The following ACSM6 variants were observed in gnomAD, a reference collection of about 807,000 sequenced individuals.
ACSM6 encodes acyl-coenzyme A synthetase ACSM6, mitochondrial.
ACSM6 carries 35 observed loss-of-function variants against 51.1 expected under a neutral mutation model. The ratio of observed to expected loss-of-function variants is 0.69; its 90% CI spans 0.52 to 0.91. The LOEUF (loss-of-function observed/expected upper bound fraction) is 0.91, where lower values mean the gene tolerates loss of function less well. ACSM6 is among the 40% of genes least tolerant of loss of function. The pLI is 0.00. For synonymous variants in ACSM6, 172 were observed against 207.3 expected (o/e 0.83, Z 1.46); for missense variants, 509 against 584.1 (o/e 0.87, Z 1.32).
At chr10:95,217,753 T>C (rs1298765873) in intron 8 of ACSM6, among the ~76,000 whole-genome samples, 2 of 152,230 alleles carry the variant, frequency 1.3e-5, no homozygotes, top group Non-Finnish European at 2.9e-5. Context: ...GAGAGGTCTA[T>C]AGTTTGAGGA....
intron 4 of ACSM6, 25 bp from the exon 5 acceptor site, chr10:95,210,625 C>CTGT: frequency 1.9e-6 from 3 of 1,607,790 alleles, no homozygotes; most frequent in Non-Finnish European, 2.5e-6. Context: ...TTAGATCTCA[C>CTGT]TGTTGCCTCT....
chr10:95,210,687 A>T (rs1349724101), exon 5 of ACSM6: 1 of 1,613,940 alleles, frequency 6.2e-7, no homozygotes, highest in Non-Finnish European at 8.5e-7. Context: ...GAGGACCAAA[A>T]GCCAAGATCC....
At chr10:95,222,044 A>T (rs1359011072) in intron 9 of ACSM6, among the ~76,000 whole-genome samples, 1 of 152,234 alleles carries the variant, frequency 6.6e-6, no homozygotes, top group Non-Finnish European at 1.5e-5. Flanking sequence ...CACCACTTCT[A>T]TCCAACATAG....
chr10:95,196,873 C>T (rs1198817823), intron 2 of ACSM6, among the ~76,000 whole-genome samples: 4 of 152,098 alleles, frequency 2.6e-5, no homozygotes, highest in African/African-American at 9.7e-5. Flanking sequence ...GAGTGTTGAA[C>T]CAAGATGTAT....
At chr10:95,203,796 A>G (rs1175303006) in intron 3 of ACSM6, among the ~76,000 whole-genome samples, 1 of 151,306 alleles carries the variant, frequency 6.6e-6, no homozygotes, top group Non-Finnish European at 1.5e-5. Flanking sequence ...GATGGGCCAA[A>G]CTCATTAGGA....
At chr10:95,215,831 C>G (rs537891175) in intron 8 of ACSM6, among the ~76,000 whole-genome samples, 13 of 152,332 alleles carry the variant, frequency 8.5e-5, no homozygotes, top group African/African-American at 3.1e-4. Flanking sequence ...GAGTCCTCTT[C>G]TAGGTTGCAG....
intron 9 of ACSM6, among the ~76,000 whole-genome samples, chr10:95,223,000 G>A (rs1254737427): frequency 6.6e-6 from 1 of 152,052 alleles, no homozygotes; most frequent in African/African-American, 2.4e-5. Context: ...CTTTTTGCAT[G>A]TCAACTATAC....
At chr10:95,214,802 T>C (rs2034927954) in intron 7 of ACSM6, 50 bp from the exon 8 acceptor site, 18 of 1,535,578 alleles carry the variant, frequency 1.2e-5, no homozygotes, top group Non-Finnish European at 1.5e-5. Context: ...AGACCTGTTA[T>C]TGGTAGAAAT....
In ACSM6 at chr10:95,206,374, A is replaced by T. The variant is rs998886309; in HGVS notation, c.404-834A>T. ...TAATAGTATTTCATTGTGTAAATAT[A>T]TATACTATATTTCATTTATCAGTTC... On this transcript the variant is annotated intron_variant, in intron 3 of 10. Transcript: ENST00000341686. Among the ~76,000 whole-genome samples the T allele has an allele frequency of 5.9e-5, 9 of 152,310 alleles. No homozygotes were observed. In the East Asian group the frequency reaches 1.5e-3, roughly 26 times the overall value.
At chr10:95,226,152 G>A (rs2035035408) in intron 10 of ACSM6, 1 of 152,134 alleles carries the variant, frequency 6.6e-6, no homozygotes, top group Non-Finnish European at 1.5e-5. Context: ...TTTCCTCTTT[G>A]TAATTAGTAA....
chr10:95,227,978 C>T (rs751773911), intron 10 of ACSM6, among the ~76,000 whole-genome samples: 3 of 151,748 alleles, frequency 2.0e-5, no homozygotes, highest in East Asian at 3.9e-4. Flanking sequence ...GGCTGAGACA[C>T]GAGAATCACT....
At chr10:95,208,948 A>AAAAAAG in intron 4 of ACSM6, among the ~76,000 whole-genome samples, 1 of 149,110 alleles carries the variant, frequency 6.7e-6, no homozygotes, top group Non-Finnish European at 1.5e-5. Context: ...AAAAAAAAAA[A>AAAAAAG]AAAAAAAAAA....
rs894059879 is a variant in ACSM6, at chr10:95,202,595, C to T, written c.403+400C>T. ...ACAGACAGAGCATGCACATCTTGCCCTCTCTGGGCCTCAGTTTCCCCATCT... is the reference window on the plus strand; with the variant it reads ...ACAGACAGAGCATGCACATCTTGCCTTCTCTGGGCCTCAGTTTCCCCATCT... On this transcript the variant is annotated intron_variant, in intron 3 of 10. Coordinates refer to ENST00000341686, the Ensembl canonical transcript of ACSM6. 4.6e-5 allele frequency among the ~76,000 whole-genome samples: 7 copies of T among 152,234 alleles called. No homozygotes were observed. The East Asian group carries it at 7.7e-4, about 17-fold the overall frequency.
At chr10:95,217,959 T>G (rs1005280933) in intron 8 of ACSM6, among the ~76,000 whole-genome samples, 39 of 152,376 alleles carry the variant, frequency 2.6e-4, no homozygotes, top group African/African-American at 9.4e-4. Flanking sequence ...CTGTCTATAC[T>G]ACACTCACAG....
At chr10:95,195,549 G>A (rs2133366455) in intron 2 of ACSM6, among the ~76,000 whole-genome samples, 1 of 152,300 alleles carries the variant, frequency 6.6e-6, no homozygotes, top group East Asian at 1.9e-4. Context: ...TCTGGAGCAA[G>A]TCATTTTAAC....
chr10:95,199,111 C>T (rs1234403793), intron 2 of ACSM6, among the ~76,000 whole-genome samples: 6 of 152,156 alleles, frequency 3.9e-5, no homozygotes, highest in African/African-American at 1.4e-4. Context: ...TACTACAAGG[C>T]TATAGTAACC....
At chr10:95,208,341 G>C (rs140257665) in intron 4 of ACSM6, among the ~76,000 whole-genome samples, 57 of 152,188 alleles carry the variant, frequency 3.7e-4, no homozygotes, top group African/African-American at 1.3e-3. Context: ...GATGGGAGAG[G>C]ATGAGGAATG....
intron 3 of ACSM6, 92 bp downstream of exon 3, chr10:95,202,287 A>G: frequency 2.6e-6 from 3 of 1,134,882 alleles, no homozygotes; most frequent in Admixed American, 4.0e-5. Flanking sequence ...AGGGATCTCT[A>G]TCTGATGCCT....
At chr10:95,207,168 A>C in intron 3 of ACSM6, 40 bp from the exon 4 acceptor site, 1 of 1,596,764 alleles carries the variant, frequency 6.3e-7, no homozygotes, top group Non-Finnish European at 8.6e-7. Flanking sequence ...TTCTCTACTC[A>C]AAAGATAAAA....
Sources: allele counts gnomAD v4.1 joint callset (sites outside exome capture counted in the v4.1 genomes callset), GRCh38; gene constraint gnomAD v4.1.1; transcripts MANE v1.5; gene names NCBI Gene and HGNC (gene_info 2026-07-23, HGNC 2026-07-21).